The following AMN variants were observed in gnomAD, a reference collection of about 807,000 sequenced individuals.
AMN encodes the protein protein amnionless.
Under a neutral mutation model 49.1 loss-of-function variants are expected in AMN, and 40 were observed. That is an observed-to-expected ratio of 0.81 (90% confidence interval 0.63 to 1.06). The LOEUF (loss-of-function observed/expected upper bound fraction) is 1.06, where lower values mean the gene tolerates loss of function less well. Among genes scored for constraint, AMN ranks in the 50% least tolerant of loss-of-function variants. The pLI is 0.00. For synonymous variants in AMN, 380 were observed against 313.3 expected (o/e 1.21, Z -2.25); for missense variants, 701 against 662.8 (o/e 1.06, Z -0.63).
In AMN at chr14:102,929,169, G is replaced by T. The variant is rs1275710983; in HGVS notation, c.562G>T (p.Gly188Cys). The change falls in exon 6 of 12, where the codon GGC becomes TGC. Residue 188 changes from glycine to cysteine, a missense_variant. Gly to Cys is a radical substitution (Grantham distance 159). Coordinates refer to ENST00000299155, the MANE Select transcript of AMN (RefSeq NM_030943.4). ...DLAVFLASRAGRLRFHGPGAL... is the reference protein window; with the variant it reads ...DLAVFLASRACRLRFHGPGAL... ...GGCTGTTTTCCTGGCGTCCCGCGCG[G>T]GCCGCCTACGCTTCCACGGGCCGGG... is the stretch of plus-strand genomic sequence containing the variant. 3.1e-6 allele frequency: 5 copies of T among 1,595,916 alleles called. No homozygotes were observed. In the South Asian group the frequency reaches 3.3e-5, roughly 11 times the overall value.
chr14:102,930,641 C>T lies in AMN; in HGVS notation c.1323C>T (p.Phe441=). Residue 441 remains phenylalanine (F), a synonymous_variant, in exon 12 of 12, where the codon TTC becomes TTT. Coordinates refer to ENST00000299155, the MANE Select transcript of AMN (RefSeq NM_030943.4). ...CAGACAGCACCAGCCACAGTTACTTCGTCAACCCTCTGTTCGCCGGGGCCG... is the reference window on the plus strand; with the variant it reads ...CAGACAGCACCAGCCACAGTTACTTTGTCAACCCTCTGTTCGCCGGGGCCG... ...AAADSTSHSY[F]VNPLFAGAEA... The T allele has an allele frequency of 1.2e-6, 2 of 1,601,274 alleles. No homozygotes were observed. The highest frequency in any genetic ancestry group is 3.4e-4 in the Middle Eastern group (2 of 5,876).
chr14:102,927,073 TG>T (rs1350677217), intron 3 of AMN, among the ~76,000 whole-genome samples: 2 of 152,118 alleles, frequency 1.3e-5, no homozygotes, highest in African/African-American at 4.8e-5. Flanking sequence ...TTGTAGTTTT[TG>T]TAGAGATGGG....
chr14:102,928,769 G>A lies in AMN; in HGVS notation c.307G>A (p.Val103Ile), dbSNP rs768376089. The change falls in exon 5 of 12, where the codon GTC becomes ATC. Residue 103 changes from valine (V) to isoleucine (I), a missense_variant. By Grantham distance (29) the Val-to-Ile change is conservative. Coordinates refer to ENST00000299155, the MANE Select transcript of AMN (RefSeq NM_030943.4). ...HLDCGAGEPA[V>I]FRDSDRFSWH... Reference sequence around the variant, plus strand: ...GTGCTCCGGCTCAGGCGAACCTGCCGTCTTCCGCGACTCTGACCGCTTCTC... The same window carrying A: ...GTGCTCCGGCTCAGGCGAACCTGCCATCTTCCGCGACTCTGACCGCTTCTC... The A allele has an allele frequency of 1.4e-5, 22 of 1,608,128 alleles. No individual in the cohort carries two copies. The African/African-American group carries it at 2.7e-4, about 20-fold the overall frequency.
chr14:102,923,393 T>C (rs1267398558), intron 1 of AMN: 3 of 412,050 alleles, frequency 7.3e-6, no homozygotes, highest in Non-Finnish European at 1.4e-5. Flanking sequence ...GTTGTCACTG[T>C]CCTTAACAAC....
Position 102,929,275 on chromosome 14 carries a change from T to A in AMN, c.651+17T>A. On this transcript the variant is annotated intron_variant, in intron 6 of 11. Transcript: ENST00000299155. ...AACGCGGAGGTGAGCGAGGCCGCAG[T>A]GGAGTCGCGGGGGCCGCGCGAGGGT... 1.4e-6 allele frequency: 2 copies of A among 1,446,136 alleles called. No homozygotes were observed. The highest frequency in any genetic ancestry group is 1.8e-6 in the Non-Finnish European group (2 of 1,111,430). The allele number at this position is 1,446,136 out of a possible 1,614,324, so 89.6% of individuals were successfully genotyped here. A position where few individuals can be genotyped will look rare whatever the true frequency, so the allele number is the denominator to read the frequency against.
Position 102,929,699 on chromosome 14 carries a change from C to T in AMN, c.805C>T (p.Arg269Trp), listed in dbSNP as rs200712130. 4.1e-5 allele frequency: 64 copies of T among 1,551,022 alleles called. No individual in the cohort carries two copies. In the African/African-American group the frequency reaches 7.9e-4, roughly 19 times the overall value. ...CCACGGCCCCGCATTTGACCTGGAGCGGTACCGGGCGCGGATACTGGACAC... is the reference window on the plus strand; with the variant it reads ...CCACGGCCCCGCATTTGACCTGGAGTGGTACCGGGCGCGGATACTGGACAC... ...LTHGPAFDLE[R>W]YRARILDTFL... Residue 269 changes from arginine (R) to tryptophan (W), a missense_variant, in exon 8 of 12, where the codon CGG (arginine) becomes TGG (tryptophan). Arg to Trp is a moderately radical substitution (Grantham distance 101). Coordinates refer to ENST00000299155, the MANE Select transcript of AMN (RefSeq NM_030943.4).
intron 3 of AMN, among the ~76,000 whole-genome samples, chr14:102,928,007 C>T (rs1045320249): frequency 6.6e-6 from 1 of 152,242 alleles, no homozygotes; most frequent in Non-Finnish European, 1.5e-5. Flanking sequence ...CCCCAGGAGC[C>T]GGGCAACTTT....
rs1002128045 is a variant in AMN at position 102,922,977 on chromosome 14, C to G, written c.43+246C>G. ...AGGGGCTCCGGGAACCTCGGCCAGC[C>G]CCGGCCTCCGGCGGCTCCTGCCCTC... On this transcript the variant is annotated intron_variant, in intron 1 of 11. Coordinates refer to ENST00000299155, the MANE Select transcript of AMN (RefSeq NM_030943.4). 4 of 543,132 alleles carry G rather than the reference C, an allele frequency of 7.4e-6. No homozygotes were observed. The African/African-American group carries it at 8.0e-5, about 11-fold the overall frequency. The allele number at this position is 543,132 out of a possible 1,614,324, so 33.6% of individuals were successfully genotyped here.
intron 1 of AMN, 91 bp downstream of exon 1, chr14:102,922,822 C>T: frequency 6.7e-7 from 1 of 1,496,842 alleles, no homozygotes; most frequent in African/African-American, 1.4e-5. Context: ...GGGTGAAGAT[C>T]TTCCGAGGAG....
At chr14:102,924,007 G>T in intron 3 of AMN, 28 bp downstream of exon 3, 1 of 1,613,252 alleles carries the variant, frequency 6.2e-7, no homozygotes, top group South Asian at 1.1e-5. Flanking sequence ...CTGCCACTGG[G>T]CTGGGGGTTC....
intron 3 of AMN, among the ~76,000 whole-genome samples, chr14:102,925,841 C>T (rs1891174949): frequency 6.6e-6 from 1 of 152,224 alleles, no homozygotes; most frequent in Admixed American, 6.5e-5. Flanking sequence ...CAAGCACCCC[C>T]ATCCCCTGCC....
At position 102,928,836 on chromosome 14, in the gene AMN, C is replaced by T. The variant is rs1434999009; in HGVS notation, c.374C>T (p.Pro125Leu). The T allele has an allele frequency of 6.2e-7, 1 of 1,606,320 alleles. No individual in the cohort carries two copies. Among genetic ancestry groups the T allele is most frequent in the Non-Finnish European group, 8.5e-7 (1 of 1,179,856 alleles). The change falls in exon 5 of 12, where the codon CCT (proline) becomes CTT (leucine). Residue 125 changes from proline to leucine, a missense_variant. Transcript: ENST00000299155. ...PHLWRSGDEA[P>L]GLFFVDAERV... ...CTGTGGCGCTCTGGGGACGAGGCACCTGGCCTCTTCTTCGTGGACGCCGAG... is the reference window on the plus strand; with the variant it reads ...CTGTGGCGCTCTGGGGACGAGGCACTTGGCCTCTTCTTCGTGGACGCCGAG...
In AMN at chr14:102,929,667, T is replaced by C. The variant is rs190222721; in HGVS notation, c.773T>C (p.Leu258Ser). 10,244 of 1,549,708 alleles carry C rather than the reference T, an allele frequency of 6.6e-3. 40 individuals are homozygous for C. The highest frequency in any genetic ancestry group is 7.9e-3 in the Non-Finnish European group (9,088 of 1,147,124). Residue 258 changes from leucine to serine, a missense_variant, in exon 8 of 12, where the codon TTG (leucine) becomes TCG (serine). Leu to Ser is a moderately radical substitution (Grantham distance 145). Coordinates refer to ENST00000299155, the MANE Select transcript of AMN (RefSeq NM_030943.4). Reference sequence around the variant, plus strand: ...CCTCCCGCCGCAGGAGCCGTTGTGTTGCTGACCCACGGCCCCGCATTTGAC... The same window carrying C: ...CCTCCCGCCGCAGGAGCCGTTGTGTCGCTGACCCACGGCCCCGCATTTGAC... The part of the protein sequence containing the change: ...QCCDLCGAVV[L>S]LTHGPAFDLE...
intron 1 of AMN, 192 bp downstream of exon 1, chr14:102,922,923 G>C: frequency 1.3e-6 from 1 of 785,422 alleles, no homozygotes; most frequent in Non-Finnish European, 2.0e-6. Context: ...TGCGCGGCCA[G>C]TGCATCGGGC....
rs2295829 is a variant in AMN at position 102,922,666 on chromosome 14, G to C, written c.-23G>C. On this transcript the variant is annotated 5_prime_UTR_variant, in exon 1 of 12. Coordinates refer to ENST00000299155, the MANE Select transcript of AMN (RefSeq NM_030943.4). ...GTCCAGTGGGGCAAAGTCTCCTGGTGGGGTGCAAGGAGCCGAGGCGAGATG... is the reference window on the plus strand; with the variant it reads ...GTCCAGTGGGGCAAAGTCTCCTGGTCGGGTGCAAGGAGCCGAGGCGAGATG... 0.39 allele frequency: 617,833 copies of C among 1,592,304 alleles called. 123,872 individuals carry two copies. Among genetic ancestry groups the C allele is most frequent in the African/African-American group, 0.57 (42,304 of 74,698 alleles).
In AMN at chr14:102,930,333, C is replaced by T. The variant is rs2139313030; in HGVS notation, c.1169+6C>T. 7.2e-7 allele frequency: 1 copy of T among 1,395,006 alleles called. No homozygotes were observed. 86.4% of individuals were successfully genotyped at this position (1,395,006 alleles called of 1,614,324 possible). ...CGCCGCGCGGGGAGGCTCAGGTACG[C>T]GGGGCGGGGGCGCGGAGGTGGGGCT... On this transcript the variant is annotated splice_donor_region_variant and intron_variant, in intron 10 of 11. Transcript: ENST00000299155.
At position 102,929,052 on chromosome 14, in the gene AMN, G is replaced by A. The variant is rs1050952915; in HGVS notation, c.514-69G>A. The A allele has an allele frequency of 2.2e-5, 35 of 1,596,728 alleles. No homozygotes were observed. In the South Asian group the frequency reaches 3.0e-4, roughly 14 times the overall value. On this transcript the variant is annotated intron_variant, in intron 5 of 11. Transcript: ENST00000299155. ...ACCCCGCCCCTCCTGGTCTGCACAC[G>A]TTGGGTCTGAGCACTCAGGTGAAGT...
intron 3 of AMN, 35 bp downstream of exon 3, chr14:102,924,014 G>T (rs769243461): frequency 1.2e-6 from 2 of 1,613,170 alleles, no homozygotes; most frequent in Non-Finnish European, 1.7e-6. Flanking sequence ...TGGGCTGGGG[G>T]TTCACAGAGT....
Position 102,928,114 on chromosome 14 carries a change from G to GC in AMN, c.208-308dup, listed in dbSNP as rs577539257. Among the ~76,000 whole-genome samples, 77 of 152,230 alleles carry GC rather than the reference G, an allele frequency of 5.1e-4. 1 individual carries two copies. In the East Asian group the frequency reaches 0.011, roughly 21 times the overall value. On this transcript the variant is annotated intron_variant, in intron 3 of 11. Coordinates refer to ENST00000299155, the MANE Select transcript of AMN (RefSeq NM_030943.4). ...ACAGGCCCTGGCCAGAGTCACCTCC[G>GC]CCCCAGACTCCCCACGGCTCCGTCT... is the stretch of plus-strand genomic sequence containing the variant.
Sources: gnomAD v4.1 joint callset for allele counts (sites outside exome capture counted in the v4.1 genomes callset) on GRCh38, gnomAD v4.1.1 for gene constraint, MANE v1.5 for transcripts, NCBI Gene and HGNC (gene_info 2026-07-23, HGNC 2026-07-21) for gene names.